DGKK: variants seen among roughly 807,000 people sequenced by gnomAD.
The protein encoded by DGKK is 142 kDa diacylglycerol kinase.
A neutral mutation model predicts 92.2 loss-of-function variants in DGKK; 35 were observed. The ratio of observed to expected loss-of-function variants is 0.38; its 90% CI spans 0.29 to 0.50. The LOEUF is 0.50. DGKK is among the 20% of genes least tolerant of loss of function. The pLI is 0.92. For missense variants in DGKK, 910 were observed against 992.2 expected (o/e 0.92, Z 1.11); for synonymous variants, 368 against 360.6 (o/e 1.02, Z -0.23).
chrX:50,424,901 T>C (rs1557229545), intron 1 of DGKK, among the ~76,000 whole-genome samples: 3 of 111,857 alleles, frequency 2.7e-5, no homozygotes, highest in Non-Finnish European at 5.6e-5. Context: ...CATGATCTCA[T>C]GAAGGAGCAA....
At position 50,470,210 on chromosome X, in the gene DGKK, G is replaced by T. The variant is rs782004080; in HGVS notation, c.469C>A (p.Pro157Thr). The change falls in exon 1 of 28, where the codon CCT becomes ACT. Residue 157 changes from proline to threonine, a missense_variant. Transcript: ENST00000611977. ...PELAPEPTPE[P>T]VTELAPEFCP... ...AACTCTGGGGCCAGCTCTGTCACAGGTTCTGGGGTCGGCTCTGGGGCCAGC... is the reference window on the plus strand; with the variant it reads ...AACTCTGGGGCCAGCTCTGTCACAGTTTCTGGGGTCGGCTCTGGGGCCAGC... 3.3e-6 allele frequency: 4 copies of T among 1,211,825 alleles called. 1 individual carries two copies. In the South Asian group the frequency reaches 7.0e-5, roughly 21 times the overall value.
At position 50,375,313 on chromosome X, in the gene DGKK, G is replaced by A. The variant is rs1353537102; in HGVS notation, c.3415-256C>T. ...AAGTGGCAGAGCACGGCTTGGCTTT[G>A]GCATCACTGATTGATTGCAGTGGGT... On this transcript the variant is annotated intron_variant, in intron 24 of 27. Coordinates refer to ENST00000611977, the MANE Select transcript of DGKK (RefSeq NM_001013742.4). Among the ~76,000 whole-genome samples the A allele has an allele frequency of 4.5e-5, 5 of 111,652 alleles. No homozygotes were observed. The Admixed American group carries it at 4.7e-4, about 11-fold the overall frequency.
intron 4 of DGKK, among the ~76,000 whole-genome samples, chrX:50,415,377 A>G (rs935557257): frequency 8.9e-6 from 1 of 111,974 alleles, no homozygotes; most frequent in South Asian, 3.8e-4. Context: ...ACAAAGTACA[A>G]TATCTCCCAA....
At chrX:50,437,556 T>C (rs1411516258) in intron 1 of DGKK, among the ~76,000 whole-genome samples, 2 of 111,793 alleles carry the variant, frequency 1.8e-5, no homozygotes, top group Admixed American at 9.5e-5. Flanking sequence ...ACTGTTACCA[T>C]CTGGATTTTG....
intron 4 of DGKK, among the ~76,000 whole-genome samples, chrX:50,411,245 A>G (rs906175935): frequency 8.9e-6 from 1 of 112,057 alleles, no homozygotes; most frequent in Non-Finnish European, 1.9e-5. Flanking sequence ...ACAAAGCCAG[A>G]CAAGGACACA....
chrX:50,453,115 C>T (rs1167275419), intron 1 of DGKK, among the ~76,000 whole-genome samples: 1 of 111,459 alleles, frequency 9.0e-6, no homozygotes, highest in Non-Finnish European at 1.9e-5. Flanking sequence ...AGTAATTAGT[C>T]CTAAAAGGCA....
chrX:50,461,014 C>T (rs1189111145), intron 1 of DGKK, among the ~76,000 whole-genome samples: 1 of 110,807 alleles, frequency 9.0e-6, no homozygotes, highest in Non-Finnish European at 1.9e-5. Flanking sequence ...TCTCCAAGGC[C>T]AAGTCACAAA....
chrX:50,436,455 A>T lies in DGKK; in HGVS notation c.646-12097T>A, dbSNP rs1258089124. Among the ~76,000 whole-genome samples the T allele has an allele frequency of 3.6e-5, 4 of 112,173 alleles. No individual in the cohort carries two copies. In the Admixed American group the frequency reaches 3.8e-4, roughly 11 times the overall value. ...CTAGTTATCCCTTCAGTGGAAGGAA[A>T]AAAGGAAGGTTTAAACCACTGGTCT... On this transcript the variant is annotated intron_variant, in intron 1 of 27. Transcript: ENST00000611977.
Position 50,470,574 on chromosome X carries a change from T to TG in DGKK, c.104dup (p.Pro36ThrfsTer133). On this transcript the variant is annotated frameshift_variant, in exon 1 of 28. Transcript: ENST00000611977. LOFTEE classifies it high-confidence loss of function. ...GCGGAGCCGGCGGCGGAGCCGGTGG[T>TG]GGTGGCGGCGGCGGCCAAGGCGGCG... is the stretch of plus-strand genomic sequence containing the variant. 8.3e-7 allele frequency: 1 copy of TG among 1,202,586 alleles called. No individual in the cohort carries two copies. The highest frequency in any genetic ancestry group is 1.1e-6 in the Non-Finnish European group (1 of 893,165).
In DGKK at chrX:50,390,345, C is replaced by T; in HGVS notation, c.1909G>A (p.Asp637Asn). Residue 637 changes from aspartate to asparagine, a missense_variant, in exon 12 of 28, where the codon GAT (aspartate) becomes AAT (asparagine). Coordinates refer to ENST00000611977, the MANE Select transcript of DGKK (RefSeq NM_001013742.4). Reference sequence around the variant, plus strand: ...GTAGTTACCTCAAATCGTGGTACATCCATTTCAACCTGTCCTTTTAGCAGC... The same window carrying T: ...GTAGTTACCTCAAATCGTGGTACATTCATTTCAACCTGTCCTTTTAGCAGC... ...TPLLKGQVEM[D>N]VPRFEAAAIQ... 8.3e-7 allele frequency: 1 copy of T among 1,210,729 alleles called. No individual in the cohort carries two copies. The highest frequency in any genetic ancestry group is 1.1e-6 in the Non-Finnish European group (1 of 894,574).
Position 50,369,019 on chromosome X carries a change from C to G in DGKK, c.3737G>C (p.Gly1246Ala). 1 of 1,199,749 alleles carries G rather than the reference C, an allele frequency of 8.3e-7. No homozygotes were observed. Among genetic ancestry groups the G allele is most frequent in the South Asian group, 1.8e-5 (1 of 55,355 alleles). The change falls in exon 28 of 28, where the codon GGC becomes GCC. Residue 1246 changes from glycine (G) to alanine (A), a missense_variant and splice_region_variant. Physicochemically the swap from Gly to Ala is moderately conservative, Grantham distance 60. Coordinates refer to ENST00000611977, the MANE Select transcript of DGKK (RefSeq NM_001013742.4). ...ACGATGTCTGCGGTGCCATAAATTG[C>G]CTTCAGAGGAAAAAAAATGGTATAG... ...KSGQSVQSFI[G>A]NLWHRRHRED... is the part of the protein sequence containing the mutation.
chrX:50,382,662 T>C (rs782788631), intron 17 of DGKK, 59 bp from the exon 18 acceptor site: 7 of 957,181 alleles, frequency 7.3e-6, no homozygotes, highest in South Asian at 4.6e-5. Context: ...CCGCTATCAA[T>C]TGGGCATGAA....
At position 50,470,221 on chromosome X, in the gene DGKK, G is replaced by GGCTCTGGGGCCA. The variant is rs1927025283; in HGVS notation, c.446_457dup (p.Leu149_Glu152dup). ...CAGCTCTGTCACAGGTTCTGGGGTC[G>GGCTCTGGGGCCA]GCTCTGGGGCCAGCTCTGGGGCAAC... On this transcript the variant is annotated inframe_insertion, in exon 1 of 28. Transcript: ENST00000611977. 2 of 1,211,364 alleles carry GGCTCTGGGGCCA rather than the reference G, an allele frequency of 1.7e-6. No individual in the cohort carries two copies. The highest frequency in any genetic ancestry group is 1.1e-6 in the Non-Finnish European group (1 of 895,281).
chrX:50,424,414 C>G, intron 1 of DGKK, 56 bp from the exon 2 acceptor site: 1 of 1,046,946 alleles, frequency 9.6e-7, no homozygotes, highest in Non-Finnish European at 1.3e-6. Flanking sequence ...GGTCATATCA[C>G]TTGTTTTCTC....
intron 12 of DGKK, among the ~76,000 whole-genome samples, chrX:50,389,825 G>A (rs1470386757): frequency 1.8e-5 from 2 of 110,263 alleles, no homozygotes; most frequent in Non-Finnish European, 3.8e-5. Flanking sequence ...TTCCATCTGT[G>A]TGGAACAGCC....
intron 1 of DGKK, among the ~76,000 whole-genome samples, chrX:50,467,617 TC>T (rs782257924): frequency 1.6e-4 from 18 of 112,663 alleles, no homozygotes; most frequent in African/African-American, 5.5e-4. Flanking sequence ...CACAGTTTTT[TC>T]CCCCCAAGCT....
rs61752352 is a variant in DGKK, at chrX:50,403,120, C to T, written c.1249G>A (p.Glu417Lys). The change falls in exon 7 of 28, where the codon GAG (glutamate) becomes AAG (lysine). Residue 417 changes from glutamate to lysine, a missense_variant. By Grantham distance (56) the Glu-to-Lys change is moderately conservative. Transcript: ENST00000611977. ...PVSSQCAVCH[E>K]SCGSYQRLQD... The stretch of plus-strand genomic sequence containing the variant: ...AGTCTTTGATAACTGCCACAGCTCT[C>T]ATGACACACTGCACACTGAGAGCTG... The T allele has an allele frequency of 1.0e-4, 126 of 1,207,659 alleles. No homozygotes were observed. The highest frequency in any genetic ancestry group is 1.2e-4 in the Non-Finnish European group (108 of 894,110).
chrX:50,415,729 T>A (rs1035644047), intron 4 of DGKK, among the ~76,000 whole-genome samples: 1 of 111,610 alleles, frequency 9.0e-6, no homozygotes, highest in Non-Finnish European at 1.9e-5. Context: ...AGAATGAGAA[T>A]GTCTATCCCA....
Position 50,392,376 on chromosome X carries a change from A to G in DGKK, c.1669T>C (p.Leu557=). The change falls in exon 10 of 28, where the codon TTA becomes CTA. Residue 557 remains leucine, a synonymous_variant. Transcript: ENST00000611977. ...CGGDGSVSWV[L]SLIDAFGLHE... ...AATCCAAAGGCATCAATCAGAGATA[A>G]GACCCAGCTCACGCTGCCATCTCCA... The G allele has an allele frequency of 8.3e-7, 1 of 1,211,304 alleles. No individual in the cohort carries two copies. The highest frequency in any genetic ancestry group is 1.1e-6 in the Non-Finnish European group (1 of 894,660).
Sources: allele counts gnomAD v4.1 joint callset (sites outside exome capture counted in the v4.1 genomes callset), GRCh38; gene constraint gnomAD v4.1.1; transcripts MANE v1.5; gene names NCBI Gene and HGNC (gene_info 2026-07-23, HGNC 2026-07-21).